TBCE: variants seen among roughly 807,000 people sequenced by gnomAD.
The protein encoded by TBCE is tubulin folding cofactor E.
Under a neutral mutation model 77.0 loss-of-function variants are expected in TBCE, and 53 were observed. That is an observed-to-expected ratio of 0.69 (90% CI 0.55 to 0.87). The LOEUF is 0.87. Among genes scored for constraint, TBCE ranks in the 40% least tolerant of loss-of-function variants. The pLI is 0.00. For missense variants in TBCE, 624 were observed against 622.4 expected, an observed-to-expected ratio of 1.00 and a Z score of -0.03; for synonymous variants, 235 against 241.3, an observed-to-expected ratio of 0.97 and a Z score of 0.24.
At chr1:235,384,652 C>T (rs1347941451) in intron 2 of TBCE, among the ~76,000 whole-genome samples, 3 of 151,262 alleles carry the variant, frequency 2.0e-5, no homozygotes, top group South Asian at 2.1e-4. Flanking sequence ...TCTGTGGGAT[C>T]GGTGGTGATA....
rs761646217 is a variant in TBCE, at chr1:235,449,852, G to C, written c.*1090G>C. ...ATTCAAACTCTCAGTTACTACTACA[G>C]ATTTCTGAACTAGGCCAAGTTTTAA... On this transcript the variant is annotated 3_prime_UTR_variant, in exon 17 of 17. Coordinates refer to ENST00000642610, the MANE Select transcript of TBCE (RefSeq NM_003193.5). 8 of 191,472 alleles carry C rather than the reference G, an allele frequency of 4.2e-5. No individual in the cohort carries two copies. The highest frequency in any genetic ancestry group is 7.7e-5 in the Non-Finnish European group (7 of 90,998). The allele number at this position is 191,472 out of a possible 1,614,324, so 11.9% of individuals were successfully genotyped here.
intron 4 of TBCE, among the ~76,000 whole-genome samples, chr1:235,417,181 G>C (rs1057054151): frequency 6.6e-5 from 10 of 152,298 alleles, no homozygotes; most frequent in Non-Finnish European, 1.2e-4. Flanking sequence ...TCTTGGAGAT[G>C]GCTTTGGCTC....
At chr1:235,431,651 G>A (rs566727256) in intron 7 of TBCE, among the ~76,000 whole-genome samples, 1 of 151,854 alleles carries the variant, frequency 6.6e-6, no homozygotes, top group South Asian at 2.1e-4. Context: ...GTAAGCCACC[G>A]TGCCCAGCCC....
intron 1 of TBCE, 70 bp from the exon 2 acceptor site, chr1:235,379,947 CAA>C (rs36068852): frequency 4.7e-3 from 3,377 of 721,702 alleles, no homozygotes; most frequent in South Asian, 5.5e-3. Context: ...GACTGTGCCT[CAA>C]AAAAAAAAAA....
intron 15 of TBCE, among the ~76,000 whole-genome samples, chr1:235,443,786 A>G (rs937253068): frequency 6.6e-6 from 1 of 152,214 alleles, no homozygotes; most frequent in Non-Finnish European, 1.5e-5. Flanking sequence ...TCTTTGAGAA[A>G]GCTACCTTAG....
intron 2 of TBCE, among the ~76,000 whole-genome samples, chr1:235,400,961 T>G (rs1425229750): frequency 1.3e-5 from 2 of 150,680 alleles, no homozygotes; most frequent in African/African-American, 4.9e-5. Context: ...ACTTTGGCCT[T>G]GCAAAGTGCT....
At chr1:235,431,130 C>T (rs1681058900) in intron 7 of TBCE, among the ~76,000 whole-genome samples, 1 of 152,124 alleles carries the variant, frequency 6.6e-6, no homozygotes, top group Admixed American at 6.6e-5. Context: ...TATTGACTAG[C>T]TTCCTGAGTT....
chr1:235,444,391 C>CT (rs1341361986), intron 15 of TBCE, among the ~76,000 whole-genome samples: 1 of 152,054 alleles, frequency 6.6e-6, no homozygotes, highest in Non-Finnish European at 1.5e-5. Flanking sequence ...AGGGCCAGGA[C>CT]TGTTTTATTT....
intron 2 of TBCE, among the ~76,000 whole-genome samples, chr1:235,399,273 T>C (rs1385697228): frequency 1.3e-5 from 2 of 152,198 alleles, no homozygotes; most frequent in African/African-American, 4.8e-5. Context: ...TTTTACCTTG[T>C]GTTTCTTCTC....
intron 1 of TBCE, among the ~76,000 whole-genome samples, chr1:235,373,618 A>C (rs1677107863): frequency 8.7e-6 from 1 of 114,884 alleles, no homozygotes; most frequent in African/African-American, 3.0e-5. Flanking sequence ...TAATTTTTGT[A>C]TTTTTATTTT....
intron 3 of TBCE, among the ~76,000 whole-genome samples, chr1:235,404,564 CT>C (rs1435282983): frequency 6.6e-6 from 1 of 152,098 alleles, no homozygotes; most frequent in Non-Finnish European, 1.5e-5. Flanking sequence ...CTACTGTAGA[CT>C]TTGGAAACAC....
At chr1:235,430,279 C>T (rs1368422189) in intron 6 of TBCE, 1 of 160,166 alleles carries the variant, frequency 6.2e-6, no homozygotes, top group Non-Finnish European at 1.4e-5. Context: ...ATCCTCATAG[C>T]CAAAGGGCAG....
At chr1:235,416,168 C>CAAAAAAAAAAAAA in intron 4 of TBCE, 1 of 93,682 alleles carries the variant, frequency 1.1e-5, no homozygotes, top group Non-Finnish European at 2.0e-5. Flanking sequence ...GACTCTGTCT[C>CAAAAAAAAAAAAA]AAAAAAAAAA....
chr1:235,395,874 A>G (rs1286406005), intron 2 of TBCE, among the ~76,000 whole-genome samples: 2 of 151,424 alleles, frequency 1.3e-5, no homozygotes, highest in Non-Finnish European at 2.9e-5. Flanking sequence ...CATGAGTTCA[A>G]TTATTTTCAT....
intron 1 of TBCE, among the ~76,000 whole-genome samples, chr1:235,374,877 A>G (rs1677193589): frequency 7.0e-6 from 1 of 142,222 alleles, no homozygotes; most frequent in African/African-American, 2.8e-5. Flanking sequence ...GTAGTAGAAA[A>G]TTACTAGGTG....
chr1:235,396,612 T>A (rs1238906087), intron 2 of TBCE, among the ~76,000 whole-genome samples: 1 of 152,180 alleles, frequency 6.6e-6, no homozygotes, highest in African/African-American at 2.4e-5. Context: ...CCACTAACAG[T>A]GTGTGAGGGT....
intron 2 of TBCE, among the ~76,000 whole-genome samples, chr1:235,400,609 C>G (rs1212411158): frequency 6.6e-6 from 1 of 151,526 alleles, no homozygotes; most frequent in Non-Finnish European, 1.5e-5. Flanking sequence ...ACTGTGTTAG[C>G]CAGGATGGTC....
intron 1 of TBCE, among the ~76,000 whole-genome samples, chr1:235,377,957 C>T (rs188586532): frequency 6.6e-6 from 1 of 151,768 alleles, no homozygotes; most frequent in Non-Finnish European, 1.5e-5. Context: ...CTTCCATCTA[C>T]CTGTTCTTAA....
At chr1:235,395,410 T>C (rs1197213387) in intron 2 of TBCE, among the ~76,000 whole-genome samples, 1 of 152,164 alleles carries the variant, frequency 6.6e-6, no homozygotes, top group East Asian at 1.9e-4. Context: ...TTATTGTTGA[T>C]GGTAGTCACC....
Sources: gnomAD v4.1 joint callset for allele counts (sites outside exome capture counted in the v4.1 genomes callset) on GRCh38, gnomAD v4.1.1 for gene constraint, MANE v1.5 for transcripts, NCBI Gene and HGNC (gene_info 2026-07-23, HGNC 2026-07-21) for gene names.